The following UGT1A10 variants were observed in gnomAD, a reference collection of about 807,000 sequenced individuals.
UGT1A10 encodes the protein UDP glucuronosyltransferase family 1 member A10, also known as UDP-glucuronosyltransferase 1A10.
A neutral mutation model predicts 45.8 loss-of-function variants in UGT1A10; 49 were observed. That is an observed-to-expected ratio of 1.07 (90% CI 0.85 to 1.36). The LOEUF (loss-of-function observed/expected upper bound fraction) is 1.36, where lower values mean the gene tolerates loss of function less well. Ranked by LOEUF, UGT1A10 falls within the 40% of genes most tolerant of loss-of-function variation. UGT1A10 has a pLI of 0.00. For synonymous variants in UGT1A10, 284 were observed against 249.7 expected (o/e 1.14, Z -1.29); for missense variants, 745 against 668.6 (o/e 1.11, Z -1.26).
intron 1 of UGT1A10, among the ~76,000 whole-genome samples, chr2:233,718,215 G>A (rs2076640910): frequency 1.3e-5 from 2 of 152,122 alleles, no homozygotes; most frequent in African/African-American, 4.8e-5. Context: ...TATATTGACA[G>A]CCACTTCAGA....
chr2:233,755,016 T>C (rs1695690750), intron 1 of UGT1A10: 1 of 1,296,724 alleles, frequency 7.7e-7, no homozygotes, highest in Non-Finnish European at 1.0e-6. Context: ...CTCGAAGGGG[T>C]CCTTGAAGGG....
At chr2:233,686,163 T>C (rs1162528711) in intron 1 of UGT1A10, among the ~76,000 whole-genome samples, 1 of 152,042 alleles carries the variant, frequency 6.6e-6, no homozygotes, top group African/African-American at 2.4e-5. Context: ...ATCAAAGACC[T>C]AAATAGAAAA....
intron 1 of UGT1A10, among the ~76,000 whole-genome samples, chr2:233,734,195 T>C (rs2078497247): frequency 6.6e-6 from 1 of 152,310 alleles, no homozygotes; most frequent in African/African-American, 2.4e-5. Context: ...ATTGCCTCAA[T>C]TTCAGAGCCT....
intron 1 of UGT1A10, chr2:233,690,664 G>C (rs2075002310): frequency 7.9e-7 from 1 of 1,272,234 alleles, no homozygotes; most frequent in Non-Finnish European, 1.0e-6. Context: ...GCACCAACCA[G>C]GGCAGGCCTG....
intron 1 of UGT1A10, chr2:233,741,960 TTG>T: frequency 6.6e-6 from 1 of 151,970 alleles, no homozygotes; most frequent in East Asian, 1.9e-4. Context: ...TACTTTCTTG[TTG>T]TGTTTATGGT....
intron 1 of UGT1A10, among the ~76,000 whole-genome samples, chr2:233,739,458 G>A (rs183243418): frequency 1.3e-5 from 2 of 152,366 alleles, no homozygotes; most frequent in Non-Finnish European, 2.9e-5. Context: ...CAGGGTTGGA[G>A]CTGCCTGAGA....
intron 1 of UGT1A10, chr2:233,690,443 C>G (rs7608175): frequency 0.4 from 516,894 of 1,281,456 alleles, 105,680 homozygotes; most frequent in South Asian, 0.45. Flanking sequence ...GGTCTCTCCT[C>G]TATTCAAAAT....
chr2:233,768,064 A>T, intron 3 of UGT1A10, 128 bp downstream of exon 3: 6 of 1,598,982 alleles, frequency 3.8e-6, no homozygotes, highest in Non-Finnish European at 4.3e-6. Context: ...ATTGCTTTTT[A>T]TCTAGTGGGG....
intron 1 of UGT1A10, among the ~76,000 whole-genome samples, chr2:233,749,524 A>C (rs1694211122): frequency 6.6e-6 from 1 of 151,812 alleles, no homozygotes; most frequent in Non-Finnish European, 1.5e-5. Flanking sequence ...AGCAAGGCTA[A>C]TTTTCGAGTG....
At chr2:233,715,722 T>C (rs754383024) in intron 1 of UGT1A10, among the ~76,000 whole-genome samples, 5 of 152,106 alleles carry the variant, frequency 3.3e-5, no homozygotes, top group Non-Finnish European at 5.9e-5. Flanking sequence ...CAGTGTGCCA[T>C]GTTCACGCCA....
At chr2:233,730,094 A>G (rs1211055945) in intron 1 of UGT1A10, 2 of 1,593,062 alleles carry the variant, frequency 1.3e-6, no homozygotes, top group South Asian at 2.3e-5. Context: ...ATCTTTCCAA[A>G]TATTTCATTT....
rs35915271 is a variant in UGT1A10 at position 233,764,965 on chromosome 2, A to T, written c.856-2069A>T. On this transcript the variant is annotated intron_variant, in intron 1 of 4. Coordinates refer to ENST00000344644, the MANE Select transcript of UGT1A10 (RefSeq NM_019075.4). ...GCGGGGAGAGAGGGCTCACCTTGGG[A>T]GAAGGATGGTCAGTGTCTGGGGCTT... Among the ~76,000 whole-genome samples the T allele has an allele frequency of 1.4e-3, 217 of 150,630 alleles. 1 individual carries two copies. The highest frequency in any genetic ancestry group is 5.0e-3 in the African/African-American group (206 of 40,976).
At chr2:233,764,941 C>T (rs937605699) in intron 1 of UGT1A10, among the ~76,000 whole-genome samples, 2 of 152,052 alleles carry the variant, frequency 1.3e-5, no homozygotes, top group Admixed American at 6.5e-5. Flanking sequence ...GTGAGAGTGG[C>T]GGGGAGAGAG....
At chr2:233,693,698 C>T in intron 1 of UGT1A10, 4 of 1,614,222 alleles carry the variant, frequency 2.5e-6, no homozygotes, top group Non-Finnish European at 3.4e-6. Flanking sequence ...GTATGAAGAA[C>T]TCGCATCAGC....
intron 1 of UGT1A10, chr2:233,719,039 A>C (rs201935850): frequency 2.4e-4 from 385 of 1,614,106 alleles, no homozygotes; most frequent in Admixed American, 1.3e-3. Flanking sequence ...AAGAAGAGAA[A>C]TTTTTCACCC....
intron 1 of UGT1A10, among the ~76,000 whole-genome samples, chr2:233,698,691 T>TA (rs937682275): frequency 1.3e-5 from 2 of 152,038 alleles, no homozygotes; most frequent in Non-Finnish European, 2.9e-5. Context: ...AATACATTTC[T>TA]AAAAAAAATG....
chr2:233,711,237 C>G (rs1027973680), intron 1 of UGT1A10, among the ~76,000 whole-genome samples: 6 of 152,218 alleles, frequency 3.9e-5, no homozygotes, highest in Admixed American at 3.9e-4. Context: ...GAAGGCACCA[C>G]CATCTTCCAA....
intron 1 of UGT1A10, among the ~76,000 whole-genome samples, chr2:233,653,987 T>A (rs1458805743): frequency 6.6e-6 from 1 of 152,258 alleles, no homozygotes; most frequent in Non-Finnish European, 1.5e-5. Context: ...ACATGCCTAA[T>A]GCTTACACAC....
At chr2:233,654,374 T>C (rs557617871) in intron 1 of UGT1A10, among the ~76,000 whole-genome samples, 5 of 152,292 alleles carry the variant, frequency 3.3e-5, no homozygotes, top group Admixed American at 6.5e-5. Context: ...TCTTTCAGGA[T>C]TGTGATCCAA....
Sources: allele counts gnomAD v4.1 joint callset (sites outside exome capture counted in the v4.1 genomes callset), GRCh38; gene constraint gnomAD v4.1.1; transcripts MANE v1.5; gene names NCBI Gene and HGNC (gene_info 2026-07-23, HGNC 2026-07-21).